The following WDR19 variants were observed in gnomAD, a reference collection of about 807,000 sequenced individuals.
WDR19 encodes the protein WD repeat-containing protein 19.
In WDR19, 121 loss-of-function variants were observed where a neutral mutation model predicts 180.0. The ratio of observed to expected loss-of-function variants is 0.67; its 90% confidence interval spans 0.58 to 0.78. The LOEUF is 0.78. WDR19 is among the 30% of genes least tolerant of loss of function. The pLI is 0.00. For synonymous variants in WDR19, 497 were observed against 540.7 expected (o/e 0.92, Z 1.12); for missense variants, 1,450 against 1,640.7 (o/e 0.88, Z 2.01).
chr4:39,265,969 T>C (rs1734749464), intron 28 of WDR19, 94 bp from the exon 29 acceptor site: 3 of 1,062,792 alleles, frequency 2.8e-6, no homozygotes, highest in Non-Finnish European at 4.2e-6. Context: ...TAATGTTTTT[T>C]ATTCCATCTC....
At chr4:39,223,090 C>T (rs1038915198) in intron 14 of WDR19, among the ~76,000 whole-genome samples, 2 of 152,010 alleles carry the variant, frequency 1.3e-5, no homozygotes, top group African/African-American at 2.4e-5. Flanking sequence ...TATGGATGTA[C>T]TTAGTTTGTT....
intron 17 of WDR19, 44 bp downstream of exon 17, chr4:39,228,734 G>C (rs762383234): frequency 2.0e-6 from 3 of 1,469,650 alleles, no homozygotes; most frequent in Non-Finnish European, 2.7e-6. Context: ...ATTTGCTTTT[G>C]TGATTTTAAA....
chr4:39,218,764 T>G (rs1177109993), intron 14 of WDR19: 1 of 152,380 alleles, frequency 6.6e-6, no homozygotes, highest in African/African-American at 2.4e-5. Flanking sequence ...TTGACTCTTT[T>G]GTAGTAACAC....
chr4:39,194,019 C>T (rs1726455190), intron 4 of WDR19, among the ~76,000 whole-genome samples: 1 of 152,222 alleles, frequency 6.6e-6, no homozygotes, highest in African/African-American at 2.4e-5. Context: ...ACTTCAACCT[C>T]ATGAATCGTA....
At chr4:39,250,160 CTTCAAGTGGG>C (rs1733000514) in intron 24 of WDR19, among the ~76,000 whole-genome samples, 1 of 624 alleles carries the variant, frequency 1.6e-3, no homozygotes, top group Non-Finnish European at 7.9e-3. Context: ...ATCAAGTGGG[CTTCAAGTGGG>C]CTTCATCCCT....
At chr4:39,254,242 A>G (rs1733540765) in intron 26 of WDR19, among the ~76,000 whole-genome samples, 2 of 152,108 alleles carry the variant, frequency 1.3e-5, no homozygotes, top group Admixed American at 1.3e-4. Context: ...AAAAAGGACT[A>G]TTTTCAAAAA....
chr4:39,280,708 G>T (rs933893137), intron 36 of WDR19, among the ~76,000 whole-genome samples: 1 of 151,168 alleles, frequency 6.6e-6, no homozygotes, highest in African/African-American at 2.4e-5. Context: ...TGTTATCCCA[G>T]CTACTCAGGA....
chr4:39,206,770 A>G (rs993613905), intron 9 of WDR19, among the ~76,000 whole-genome samples: 1 of 152,248 alleles, frequency 6.6e-6, no homozygotes, highest in African/African-American at 2.4e-5. Flanking sequence ...TGAGTGGGCC[A>G]TAGAGGGACA....
intron 1 of WDR19, among the ~76,000 whole-genome samples, chr4:39,182,859 G>T (rs1173783951): frequency 6.6e-6 from 1 of 152,144 alleles, no homozygotes; most frequent in African/African-American, 2.4e-5. Flanking sequence ...GAGCGGACTG[G>T]ATCTAAAGAT....
At position 39,285,406 on chromosome 4, in the gene WDR19, TA is replaced by T. The variant is rs538578095; in HGVS notation, c.*14-80del. ...GAAACAGGCAAAAAAAAATTCTTTT[TA>T]GTATGTTTGGCTTTATTACTAAATG... On this transcript the variant is annotated intron_variant, in intron 36 of 36. Coordinates refer to ENST00000399820, the MANE Select transcript of WDR19 (RefSeq NM_025132.4). 8.5e-5 allele frequency: 13 copies of T among 152,380 alleles called. No homozygotes were observed. The South Asian group carries it at 2.7e-3, about 32-fold the overall frequency. 9.4% of individuals were successfully genotyped at this position (152,380 alleles called of 1,614,324 possible).
intron 24 of WDR19, among the ~76,000 whole-genome samples, chr4:39,247,518 G>A (rs554735469): frequency 2.4e-4 from 37 of 152,294 alleles, no homozygotes; most frequent in South Asian, 2.1e-3. Flanking sequence ...TGACTTTGAC[G>A]AGTTGAGAGA....
chr4:39,199,443 T>C, intron 5 of WDR19, 35 bp from the exon 6 acceptor site: 1 of 1,537,488 alleles, frequency 6.5e-7, no homozygotes, highest in Non-Finnish European at 8.9e-7. Context: ...CTTTGAGAAA[T>C]CCACATGTCT....
intron 36 of WDR19, among the ~76,000 whole-genome samples, chr4:39,281,167 A>T (rs1736461439): frequency 6.7e-6 from 1 of 148,466 alleles, no homozygotes. Context: ...GTTAAATTTT[A>T]AATTTTTTGG....
intron 7 of WDR19, among the ~76,000 whole-genome samples, chr4:39,204,337 G>A (rs143739816): frequency 2.2e-3 from 328 of 152,056 alleles, no homozygotes; most frequent in African/African-American, 7.3e-3. Flanking sequence ...CACCTCCCTC[G>A]GCCTCCCAAA....
chr4:39,244,557 G>C lies in WDR19; in HGVS notation c.2645+5G>C. 6.2e-7 allele frequency: 1 copy of C among 1,613,990 alleles called. No individual in the cohort carries two copies. The highest frequency in any genetic ancestry group is 8.5e-7 in the Non-Finnish European group (1 of 1,179,868). On this transcript the variant is annotated splice_donor_5th_base_variant and intron_variant, in intron 23 of 36. Transcript: ENST00000399820. Reference sequence around the variant, plus strand: ...TTACATCCGCTCTAAGAATTGGTAAGAGCTGCCTGCGGTTTGTTTCTGAAC... The same window carrying C: ...TTACATCCGCTCTAAGAATTGGTAACAGCTGCCTGCGGTTTGTTTCTGAAC...
intron 7 of WDR19, among the ~76,000 whole-genome samples, chr4:39,204,556 A>G (rs1418777759): frequency 1.3e-5 from 2 of 152,244 alleles, no homozygotes; most frequent in African/African-American, 4.8e-5. Context: ...GCATCTTATA[A>G]TTAAGGAAAT....
intron 36 of WDR19, among the ~76,000 whole-genome samples, chr4:39,283,541 A>G (rs1263485376): frequency 1.3e-5 from 2 of 151,584 alleles, no homozygotes; most frequent in Non-Finnish European, 2.9e-5. Flanking sequence ...TGATTCTTCT[A>G]TTGACTTTTT....
intron 28 of WDR19, among the ~76,000 whole-genome samples, chr4:39,258,139 T>G (rs992467207): frequency 2.0e-5 from 3 of 151,142 alleles, no homozygotes; most frequent in Non-Finnish European, 4.4e-5. Context: ...TTTGTGTTAT[T>G]GCACATAGCA....
At chr4:39,186,673 C>A in intron 3 of WDR19, 69 bp downstream of exon 3, 2 of 1,065,460 alleles carry the variant, frequency 1.9e-6, no homozygotes, top group South Asian at 1.6e-5. Context: ...AAAATACTGC[C>A]TTAAAATTAT....
Sources: allele counts gnomAD v4.1 joint callset (sites outside exome capture counted in the v4.1 genomes callset), GRCh38; gene constraint gnomAD v4.1.1; transcripts MANE v1.5; gene names NCBI Gene and HGNC (gene_info 2026-07-23, HGNC 2026-07-21).